TIA1: variants seen among roughly 807,000 people sequenced by gnomAD.
TIA1 encodes the protein TIA1 cytotoxic granule associated RNA binding protein.
Under a neutral mutation model 65.9 loss-of-function variants are expected in TIA1, and 23 were observed. The observed-to-expected ratio is 0.35, with a 90% CI of 0.25 to 0.49. The LOEUF (loss-of-function observed/expected upper bound fraction) is 0.49, where lower values mean the gene tolerates loss of function less well. TIA1 is among the 20% of genes least tolerant of loss of function. The pLI, the probability that TIA1 is intolerant of heterozygous loss-of-function variation, is 0.98. For synonymous variants in TIA1, 147 were observed against 149.4 expected (o/e 0.98, Z 0.12); for missense variants, 371 against 477.9 (o/e 0.78, Z 2.09).
chr2:70,228,678 A>G (rs892952295), intron 5 of TIA1: 19 of 985,466 alleles, frequency 1.9e-5, no homozygotes, highest in Non-Finnish European at 2.3e-5. Context: ...AAAGTTACCC[A>G]TATTTGACAG....
Position 70,248,576 on chromosome 2 carries a change from A to C in TIA1, c.-146T>G. 2 of 1,177,206 alleles carry C rather than the reference A, an allele frequency of 1.7e-6. No individual in the cohort carries two copies. The highest frequency in any genetic ancestry group is 2.4e-6 in the Non-Finnish European group (2 of 817,988). The allele number at this position is 1,177,206 out of a possible 1,614,324, so 72.9% of individuals were successfully genotyped here. ...CGCCTCCTCCTCCGGCGGCAATTAC[A>C]CTAAACCGCCCGGCCCAGCGGGAAC... On this transcript the variant is annotated 5_prime_UTR_variant, in exon 1 of 13. Transcript: ENST00000433529.
chr2:70,225,442 C>A, intron 6 of TIA1: 1 of 1,282,388 alleles, frequency 7.8e-7, no homozygotes, highest in South Asian at 1.3e-5. Context: ...AAAAACCCAG[C>A]CATGATAGCT....
chr2:70,248,520 GTGGGGTTTC>G lies in TIA1; in HGVS notation c.-99_-91del. The G allele has an allele frequency of 6.3e-7, 1 of 1,587,368 alleles. No individual in the cohort carries two copies. Among genetic ancestry groups the G allele is most frequent in the Non-Finnish European group, 8.5e-7 (1 of 1,170,508 alleles). On this transcript the variant is annotated 5_prime_UTR_variant, in exon 1 of 13. Coordinates refer to ENST00000433529, the MANE Select transcript of TIA1 (RefSeq NM_022173.4). ...TTTAAGCGGTTATGGCTACAGGATA[GTGGGGTTTC>G]TCGGCTGACCAGAGGTTACTCCGCC...
rs758279236 is a variant in TIA1 at position 70,212,132 on chromosome 2, G to A, written c.*587C>T. The A allele has an allele frequency of 3.9e-5, 6 of 152,326 alleles. No individual in the cohort carries two copies. The highest frequency in any genetic ancestry group is 7.4e-5 in the Non-Finnish European group (5 of 67,976). The allele number at this position is 152,326 out of a possible 1,614,324, so 9.4% of individuals were successfully genotyped here. ...GTATATTTTACAGAACTTTAATAAG[G>A]CAAGACAAATTTGTGAAAAAAGATG... On this transcript the variant is annotated 3_prime_UTR_variant, in exon 13 of 13. Coordinates refer to ENST00000433529, the MANE Select transcript of TIA1 (RefSeq NM_022173.4).
At chr2:70,238,655 GA>G (rs1690243710) in intron 1 of TIA1, among the ~76,000 whole-genome samples, 1 of 152,100 alleles carries the variant, frequency 6.6e-6, no homozygotes, top group African/African-American at 2.4e-5. Context: ...ATCAGTAGAA[GA>G]GGGGTGAAAG....
intron 5 of TIA1, chr2:70,228,255 T>G: frequency 9.4e-7 from 1 of 1,066,758 alleles, no homozygotes; most frequent in Non-Finnish European, 1.2e-6. Flanking sequence ...GTAGACTAGA[T>G]TTGCCTCAGT....
At chr2:70,241,967 G>C (rs1691982702) in intron 1 of TIA1, among the ~76,000 whole-genome samples, 2 of 151,782 alleles carry the variant, frequency 1.3e-5, no homozygotes, top group Admixed American at 6.6e-5. Context: ...AGAATAAAGA[G>C]ACGATGACGA....
At chr2:70,224,793 G>T in intron 6 of TIA1, 164 bp from the exon 7 acceptor site, 1 of 1,387,696 alleles carries the variant, frequency 7.2e-7, no homozygotes, top group Non-Finnish European at 9.4e-7. Flanking sequence ...TAGGAAATGA[G>T]GCTTAATTTT....
At chr2:70,245,124 C>T (rs769948908) in intron 1 of TIA1, among the ~76,000 whole-genome samples, 1 of 152,086 alleles carries the variant, frequency 6.6e-6, no homozygotes, top group Non-Finnish European at 1.5e-5. Flanking sequence ...GTAGCTGAGG[C>T]TACTGGCATG....
Position 70,214,398 on chromosome 2 carries a change from C to T in TIA1, c.985G>A (p.Val329Ile), listed in dbSNP as rs780894412. Residue 329 changes from valine to isoleucine, a missense_variant, in exon 12 of 13, where the codon GTT becomes ATT. Physicochemically the swap from Val to Ile is conservative, Grantham distance 29. Coordinates refer to ENST00000433529, the MANE Select transcript of TIA1 (RefSeq NM_022173.4). ...TGGCCATACATTCCATATGCAGGAA[C>T]TTGCCAACCATTAGGCATATACTGG... The part of the protein sequence containing the change: ...IGQYMPNGWQ[V>I]PAYGMYGQAW... 1 of 1,613,840 alleles carries T rather than the reference C, an allele frequency of 6.2e-7. No individual in the cohort carries two copies. Among genetic ancestry groups the T allele is most frequent in the African/African-American group, 1.3e-5 (1 of 74,904 alleles).
chr2:70,235,784 C>T (rs1270300231), intron 2 of TIA1, among the ~76,000 whole-genome samples: 1 of 152,122 alleles, frequency 6.6e-6, no homozygotes, highest in South Asian at 2.1e-4. Flanking sequence ...CCTCAATGCA[C>T]CTGAAAGAGC....
At chr2:70,230,611 C>T (rs915027698) in intron 3 of TIA1, 145 bp downstream of exon 3, 33 of 546,232 alleles carry the variant, frequency 6.0e-5, no homozygotes, top group Admixed American at 5.1e-4. Context: ...AAGACTGTGC[C>T]ATTGCACTCC....
intron 1 of TIA1, among the ~76,000 whole-genome samples, chr2:70,244,277 C>A (rs1266737733): frequency 1.3e-5 from 2 of 152,116 alleles, no homozygotes; most frequent in Non-Finnish European, 2.9e-5. Context: ...CTATAAATAT[C>A]CACCCCTTCC....
chr2:70,212,873 G>C (rs199993142), intron 12 of TIA1, 28 bp from the exon 13 acceptor site: 1 of 1,495,990 alleles, frequency 6.7e-7, no homozygotes, highest in Non-Finnish European at 9.3e-7. Context: ...AGAAGCAGAG[G>C]GGAGAGGAAA....
intron 1 of TIA1, among the ~76,000 whole-genome samples, chr2:70,241,383 A>G (rs566339101): frequency 1.3e-5 from 2 of 151,970 alleles, no homozygotes; most frequent in African/African-American, 4.8e-5. Context: ...CAGAGGTTGC[A>G]GTGAGCCGAG....
In TIA1 at chr2:70,210,296, T is replaced by C. The variant is rs980446387; in HGVS notation, c.*2423A>G. The C allele has an allele frequency of 2.6e-5, 4 of 152,228 alleles. No individual in the cohort carries two copies. The highest frequency in any genetic ancestry group is 9.6e-5 in the African/African-American group (4 of 41,470). The allele number at this position is 152,228 out of a possible 1,614,324, so 9.4% of individuals were successfully genotyped here. A position where few individuals can be genotyped will look rare whatever the true frequency, so the allele number is the denominator to read the frequency against. On this transcript the variant is annotated 3_prime_UTR_variant, in exon 13 of 13. Transcript: ENST00000433529. ...ATTAAGTGTAAATCACTTCAGGTTC[T>C]TTACAGTACCAGAAAGTAAAATCTA...
intron 7 of TIA1, chr2:70,224,321 C>A: frequency 2.0e-6 from 1 of 504,228 alleles, no homozygotes; most frequent in Non-Finnish European, 3.5e-6. Context: ...CTACCTTTGG[C>A]TGATAATTTA....
At chr2:70,217,144 G>T in intron 7 of TIA1, 150 bp from the exon 8 acceptor site, 3 of 565,234 alleles carry the variant, frequency 5.3e-6, no homozygotes, top group Non-Finnish European at 8.3e-6. Flanking sequence ...TTCCTAAAAT[G>T]CAATGGTGCT....
At chr2:70,230,458 C>G (rs1196755901) in intron 3 of TIA1, among the ~76,000 whole-genome samples, 1 of 152,024 alleles carries the variant, frequency 6.6e-6, no homozygotes, top group African/African-American at 2.4e-5. Context: ...TGAGACCAGT[C>G]TGGCTAACAT....
Sources: allele counts gnomAD v4.1 joint callset (sites outside exome capture counted in the v4.1 genomes callset), GRCh38; gene constraint gnomAD v4.1.1; transcripts MANE v1.5; gene names NCBI Gene and HGNC (gene_info 2026-07-23, HGNC 2026-07-21).